The following PRKN variants were observed in gnomAD, a reference collection of about 807,000 sequenced individuals.
PRKN encodes the protein parkin RBR E3 ubiquitin protein ligase, also known as E3 ubiquitin-protein ligase parkin.
In PRKN, 56 loss-of-function variants were observed where a neutral mutation model predicts 59.5. The ratio of observed to expected loss-of-function variants is 0.94; its 90% CI spans 0.76 to 1.18. The LOEUF (loss-of-function observed/expected upper bound fraction) is 1.18. PRKN is among the 50% of genes most tolerant of loss of function. The pLI is 0.00. For missense variants in PRKN, 657 were observed against 596.4 expected (o/e 1.10, Z -1.06); for synonymous variants, 250 against 222.1 (o/e 1.13, Z -1.12).
chr6:162,563,317 C>CAAAA (rs55881751), intron 1 of PRKN, among the ~76,000 whole-genome samples: 1 of 145,716 alleles, frequency 6.9e-6, no homozygotes, highest in South Asian at 2.1e-4. Context: ...AAACAAAAAA[C>CAAAA]AAAAAAAAAA....
chr6:162,075,178 C>CA (rs1778767015), intron 4 of PRKN, among the ~76,000 whole-genome samples: 2 of 152,102 alleles, frequency 1.3e-5, no homozygotes, highest in Non-Finnish European at 2.9e-5. Context: ...GATGGTAGCA[C>CA]TCATTTCAAT....
intron 3 of PRKN, among the ~76,000 whole-genome samples, chr6:162,216,558 A>C (rs981073745): frequency 5.3e-5 from 8 of 151,048 alleles, no homozygotes; most frequent in Admixed American, 1.3e-4. Context: ...AAAAAAAAAA[A>C]AAAAAACCCA....
chr6:162,047,269 C>G (rs1189317791), intron 5 of PRKN, among the ~76,000 whole-genome samples: 1 of 152,192 alleles, frequency 6.6e-6, no homozygotes, highest in Non-Finnish European at 1.5e-5. Flanking sequence ...TCATTTTCCA[C>G]TCTCTACATT....
At chr6:161,696,580 C>T (rs745557041) in intron 7 of PRKN, among the ~76,000 whole-genome samples, 3 of 152,174 alleles carry the variant, frequency 2.0e-5, no homozygotes, top group Non-Finnish European at 4.4e-5. Context: ...TGGAGGCTAA[C>T]GTTGGTCTTT....
At chr6:161,652,849 C>CGGG (rs1333037394) in intron 7 of PRKN, among the ~76,000 whole-genome samples, 11 of 152,112 alleles carry the variant, frequency 7.2e-5, no homozygotes, top group African/African-American at 2.7e-4. Context: ...CAAAGAGCCC[C>CGGG]AGGTGATGTA....
intron 1 of PRKN, among the ~76,000 whole-genome samples, chr6:162,478,768 T>C (rs1792151472): frequency 1.3e-5 from 2 of 152,196 alleles, no homozygotes; most frequent in South Asian, 4.1e-4. Flanking sequence ...CGGCACAACA[T>C]GTTTACTGAA....
At chr6:162,234,262 C>T (rs561779871) in intron 3 of PRKN, among the ~76,000 whole-genome samples, 4 of 152,088 alleles carry the variant, frequency 2.6e-5, no homozygotes, top group Non-Finnish European at 5.9e-5. Context: ...TGAGTTGGGG[C>T]AGAGGTGGGG....
chr6:162,550,787 T>C (rs1244708035), intron 1 of PRKN, among the ~76,000 whole-genome samples: 21 of 152,300 alleles, frequency 1.4e-4, no homozygotes, highest in Admixed American at 1.3e-3. Context: ...GTTTCAGAAA[T>C]GTTCTGGAAA....
At chr6:162,502,829 C>A (rs1793431414) in intron 1 of PRKN, among the ~76,000 whole-genome samples, 1 of 152,026 alleles carries the variant, frequency 6.6e-6, no homozygotes. Flanking sequence ...TCAATTTTAT[C>A]CAACTAGTTT....
At chr6:162,131,489 G>T (rs1781355207) in intron 4 of PRKN, among the ~76,000 whole-genome samples, 1 of 152,190 alleles carries the variant, frequency 6.6e-6, no homozygotes, top group Non-Finnish European at 1.5e-5. Flanking sequence ...CCCTAGGACT[G>T]CTATAGATGT....
chr6:162,643,216 G>T (rs1778030371), intron 1 of PRKN, among the ~76,000 whole-genome samples: 1 of 151,870 alleles, frequency 6.6e-6, no homozygotes, highest in Non-Finnish European at 1.5e-5. Context: ...TGGGCAACAT[G>T]GTGAAACCCC....
chr6:162,002,011 T>C (rs1173240944), intron 5 of PRKN, among the ~76,000 whole-genome samples: 1 of 151,910 alleles, frequency 6.6e-6, no homozygotes, highest in African/African-American at 2.4e-5. Context: ...AGATCTGTCA[T>C]AGATCTCAGT....
intron 2 of PRKN, among the ~76,000 whole-genome samples, chr6:162,306,125 T>C (rs568663500): frequency 1.5e-3 from 213 of 145,108 alleles, no homozygotes; most frequent in African/African-American, 5.9e-3. Context: ...AATAGTATAT[T>C]GTAAATATTC....
At chr6:161,857,737 G>A (rs1463697234) in intron 6 of PRKN, among the ~76,000 whole-genome samples, 3 of 152,242 alleles carry the variant, frequency 2.0e-5, no homozygotes, top group East Asian at 3.9e-4. Context: ...ATTTCTATAC[G>A]TAGCATGATT....
rs1335616748 is a variant in PRKN at position 161,525,954 on chromosome 6, A to T, written c.1083+22900T>A. On this transcript the variant is annotated intron_variant, in intron 9 of 11. Transcript: ENST00000366898. This position sits in a 1 kb window ranked among gnomAD's most constrained non-coding sequence, Gnocchi z 4.7. ...TATACCAATGTCTCAAATATATAAC[A>T]AATATAACAGAAAAGATTAACTGAA... 2.6e-5 allele frequency among the ~76,000 whole-genome samples: 4 copies of T among 152,250 alleles called. No homozygotes were observed. The highest frequency in any genetic ancestry group is 2.6e-4 in the Admixed American group (4 of 15,288).
chr6:161,579,499 T>G lies in PRKN; in HGVS notation c.872-10083A>C, dbSNP rs1409390823. Among the ~76,000 whole-genome samples, 2 of 152,236 alleles carry G rather than the reference T, an allele frequency of 1.3e-5. No homozygotes were observed. The highest frequency in any genetic ancestry group is 2.9e-5 in the Non-Finnish European group (2 of 68,046). ...ACTGGAAACTTGTGTAATTTATATT[T>G]GTACCCTATACTTCGCCATAGAGTG... On this transcript the variant is annotated intron_variant, in intron 7 of 11. Coordinates refer to ENST00000366898, the MANE Select transcript of PRKN (RefSeq NM_004562.3). The surrounding 1 kb of genome is among the most constrained non-coding windows in gnomAD (Gnocchi z 4.2).
At chr6:162,243,592 T>G (rs1400663772) in intron 3 of PRKN, among the ~76,000 whole-genome samples, 1 of 152,134 alleles carries the variant, frequency 6.6e-6, no homozygotes, top group African/African-American at 2.4e-5. Flanking sequence ...GTACTCAGTT[T>G]GTTTAAATTA....
chr6:162,722,085 A>C (rs1413118223), intron 1 of PRKN, among the ~76,000 whole-genome samples: 5 of 152,192 alleles, frequency 3.3e-5, no homozygotes, highest in Non-Finnish European at 5.9e-5. Context: ...ACTAGGCCAC[A>C]AACTTATTGG....
intron 7 of PRKN, among the ~76,000 whole-genome samples, chr6:161,663,444 C>T (rs1340908698): frequency 6.6e-6 from 1 of 152,058 alleles, no homozygotes; most frequent in East Asian, 1.9e-4. Flanking sequence ...GAAGGTAATA[C>T]AGAGTACAGG....
Sources: gnomAD v4.1 joint callset for allele counts (sites outside exome capture counted in the v4.1 genomes callset) on GRCh38, gnomAD v4.1.1 for gene constraint, Gnocchi (gnomAD v3.1) non-coding constraint, MANE v1.5 for transcripts, NCBI Gene and HGNC (gene_info 2026-07-23, HGNC 2026-07-21) for gene names.